CCSER2: variants seen among roughly 807,000 people sequenced by gnomAD.
CCSER2 encodes serine-rich coiled-coil domain-containing protein 2.
In CCSER2, 46 loss-of-function variants were observed where a neutral mutation model predicts 92.3. That is an observed-to-expected ratio of 0.50 (90% confidence interval 0.39 to 0.64). CCSER2 has a LOEUF of 0.64. CCSER2 is among the 30% of genes least tolerant of loss of function. The pLI, the probability that CCSER2 is intolerant of heterozygous loss-of-function variation, is 0.00. For synonymous variants in CCSER2, 433 were observed against 431.4 expected, an observed-to-expected ratio of 1.00 and a Z score of -0.04; for missense variants, 1,244 against 1,238.9, an observed-to-expected ratio of 1.00 and a Z score of -0.06.
intron 1 of CCSER2, 83 bp from the exon 2 acceptor site, chr10:84,370,931 A>T: frequency 1.6e-6 from 1 of 609,832 alleles, no homozygotes; most frequent in East Asian, 3.1e-5. Context: ...TGCGTATAAA[A>T]GTGTAAGTAT....
chr10:84,421,482 A>G lies in CCSER2; in HGVS notation c.1705+3621A>G, dbSNP rs146656010. ...GAGAGAAGTGCTGAGCAAAGGGGGA[A>G]AATCCCCTTATAAAATGATCAGATC... On this transcript the variant is annotated intron_variant, in intron 4 of 9. Transcript: ENST00000372088. Among the ~76,000 whole-genome samples the G allele has an allele frequency of 2.6e-3, 391 of 152,202 alleles. 2 individuals carry two copies. The highest frequency in any genetic ancestry group is 4.4e-3 in the Non-Finnish European group (300 of 67,998).
chr10:84,514,526 A>C lies in CCSER2; in HGVS notation c.*259A>C. 2.1e-6 allele frequency: 1 copy of C among 469,156 alleles called. No homozygotes were observed. The highest frequency in any genetic ancestry group is 3.8e-6 in the Non-Finnish European group (1 of 266,274). 29.1% of individuals were successfully genotyped at this position (469,156 alleles called of 1,614,324 possible). On this transcript the variant is annotated 3_prime_UTR_variant, in exon 10 of 10. Transcript: ENST00000372088. The stretch of plus-strand genomic sequence containing the variant: ...CAGAGGCCTGCCAAAGGCCCAAATC[A>C]TGTTATCCATCCCTCTCCACGTCAG...
chr10:84,442,142 C>A (rs145194883), intron 6 of CCSER2, among the ~76,000 whole-genome samples: 2 of 151,922 alleles, frequency 1.3e-5, no homozygotes, highest in Admixed American at 1.3e-4. Flanking sequence ...CTCTTTCTGG[C>A]AAAATGGGTG....
At chr10:84,454,945 T>C (rs937308146) in intron 6 of CCSER2, 4 of 152,268 alleles carry the variant, frequency 2.6e-5, no homozygotes, top group Non-Finnish European at 5.9e-5. Flanking sequence ...GAGAGGTAAT[T>C]GAATCATGGG....
intron 5 of CCSER2, among the ~76,000 whole-genome samples, chr10:84,435,673 AT>A (rs140009384): frequency 0.11 from 17,057 of 149,732 alleles, 2,910 homozygotes; most frequent in African/African-American, 0.38. Context: ...CAACAAAAAA[AT>A]AAATAACCAA....
At chr10:84,443,663 A>G (rs1338124770) in intron 6 of CCSER2, among the ~76,000 whole-genome samples, 2 of 152,182 alleles carry the variant, frequency 1.3e-5, no homozygotes, top group Non-Finnish European at 2.9e-5. Flanking sequence ...AAGGATTATA[A>G]ATCATTTTAC....
At chr10:84,429,553 C>T (rs564606174) in intron 5 of CCSER2, among the ~76,000 whole-genome samples, 5 of 152,096 alleles carry the variant, frequency 3.3e-5, no homozygotes, top group East Asian at 1.9e-4. Context: ...GATGAGAAAT[C>T]GGCTGTTAAT....
intron 8 of CCSER2, among the ~76,000 whole-genome samples, chr10:84,475,639 A>G (rs1023832030): frequency 2.0e-5 from 3 of 152,240 alleles, no homozygotes. Flanking sequence ...GAGTTTATCC[A>G]GGTGTGACCC....
chr10:84,372,588 T>A, intron 2 of CCSER2, 119 bp downstream of exon 2: 1 of 660,450 alleles, frequency 1.5e-6, no homozygotes, highest in Non-Finnish European at 2.5e-6. Flanking sequence ...GGGATAGATC[T>A]AGACAAAATT....
At chr10:84,493,940 A>G (rs1044504498) in intron 9 of CCSER2, among the ~76,000 whole-genome samples, 1 of 152,192 alleles carries the variant, frequency 6.6e-6, no homozygotes, top group Non-Finnish European at 1.5e-5. Context: ...ACAGTGACAG[A>G]TTATCTGGCA....
chr10:84,493,170 C>T (rs1347326042), intron 9 of CCSER2, among the ~76,000 whole-genome samples: 5 of 152,274 alleles, frequency 3.3e-5, no homozygotes, highest in Admixed American at 6.5e-5. Context: ...TGACTTCTTT[C>T]ATCTTGGATG....
intron 5 of CCSER2, among the ~76,000 whole-genome samples, chr10:84,427,572 T>C (rs915856567): frequency 3.9e-5 from 6 of 152,314 alleles, no homozygotes; most frequent in African/African-American, 1.4e-4. Flanking sequence ...TCATTAGTTA[T>C]AGGATCATGC....
At chr10:84,430,452 A>T (rs1843703185) in intron 5 of CCSER2, among the ~76,000 whole-genome samples, 1 of 152,122 alleles carries the variant, frequency 6.6e-6, no homozygotes, top group Non-Finnish European at 1.5e-5. Context: ...CAGGCAGCTG[A>T]GATTTTAAGC....
At chr10:84,491,939 C>T (rs1024586364) in intron 9 of CCSER2, among the ~76,000 whole-genome samples, 10 of 152,026 alleles carry the variant, frequency 6.6e-5, no homozygotes, top group South Asian at 4.1e-4. Context: ...TGATACTGTT[C>T]GTTAAATTTC....
chr10:84,474,897 A>G (rs1847045717), intron 8 of CCSER2, among the ~76,000 whole-genome samples: 1 of 152,204 alleles, frequency 6.6e-6, no homozygotes, highest in Non-Finnish European at 1.5e-5. Flanking sequence ...AAACAGTTGT[A>G]AACTCAACAA....
At chr10:84,384,743 T>A (rs186748362) in intron 3 of CCSER2, among the ~76,000 whole-genome samples, 101 of 152,206 alleles carry the variant, frequency 6.6e-4, no homozygotes, top group African/African-American at 2.3e-3. Flanking sequence ...ATCACTCCTA[T>A]CAGCATAGTC....
chr10:84,353,943 A>T (rs1845012481), intron 1 of CCSER2, among the ~76,000 whole-genome samples: 1 of 152,158 alleles, frequency 6.6e-6, no homozygotes, highest in Non-Finnish European at 1.5e-5. Context: ...CATGCCTGTA[A>T]TCCCAGCATT....
In CCSER2 at chr10:84,371,762, C is replaced by G. The variant is rs759286087; in HGVS notation, c.710C>G (p.Ser237Cys). The G allele has an allele frequency of 5.0e-6, 8 of 1,613,558 alleles. No individual in the cohort carries two copies. The highest frequency in any genetic ancestry group is 1.7e-4 in the Middle Eastern group (1 of 6,060). Residue 237 changes from serine to cysteine, a missense_variant, in exon 2 of 10, where the codon TCT becomes TGT. Ser to Cys is a moderately radical substitution (Grantham distance 112). Coordinates refer to ENST00000372088, the MANE Select transcript of CCSER2 (RefSeq NM_001284240.2). ...SIQNSFLPPSSITRSHSFNRA... is the reference protein window; with the variant it reads ...SIQNSFLPPSCITRSHSFNRA... ...CAGAATTCATTCCTTCCACCTTCAT[C>G]TATAACCAGATCACATTCCTTTAAT... is the stretch of plus-strand genomic sequence containing the variant.
chr10:84,395,964 A>T (rs1306946458), intron 3 of CCSER2, among the ~76,000 whole-genome samples: 1 of 152,126 alleles, frequency 6.6e-6, no homozygotes, highest in Admixed American at 6.6e-5. Context: ...ATTGTGGCAG[A>T]CAGAACTGAC....
Sources: allele counts gnomAD v4.1 joint callset (sites outside exome capture counted in the v4.1 genomes callset), GRCh38; gene constraint gnomAD v4.1.1; transcripts MANE v1.5; gene names NCBI Gene and HGNC (gene_info 2026-07-23, HGNC 2026-07-21).